Variants in CTBP2 observed in about 807,000 individuals in gnomAD.
CTBP2 encodes the protein C-terminal-binding protein 2.
In CTBP2, 30 loss-of-function variants were observed where a neutral mutation model predicts 80.3. That is an observed-to-expected ratio of 0.37 (90% CI 0.28 to 0.51). The LOEUF (loss-of-function observed/expected upper bound fraction) is 0.51. Among genes scored for constraint, CTBP2 ranks in the 20% least tolerant of loss-of-function variants. The pLI is 0.93. For missense variants in CTBP2, 1,212 were observed against 1,375.3 expected (o/e 0.88, Z 1.88); for synonymous variants, 594 against 587.4 (o/e 1.01, Z -0.16).
chr10:125,104,018 G>C (rs1221255165), intron 2 of CTBP2, among the ~76,000 whole-genome samples: 1 of 152,230 alleles, frequency 6.6e-6, no homozygotes, highest in African/African-American at 2.4e-5. Flanking sequence ...AACCGGAAGA[G>C]GGAAGGTGAC....
intron 1 of CTBP2, among the ~76,000 whole-genome samples, chr10:125,018,926 C>T (rs960537669): frequency 1.3e-5 from 2 of 152,248 alleles, no homozygotes; most frequent in African/African-American, 2.4e-5. Context: ...TGCAAACCCT[C>T]CTGGGATGAA....
intron 1 of CTBP2, among the ~76,000 whole-genome samples, chr10:125,136,990 A>G (rs540427371): frequency 6.6e-6 from 1 of 152,334 alleles, no homozygotes; most frequent in East Asian, 1.9e-4. Flanking sequence ...ACCAAACCTG[A>G]CCCACCCAAA....
chr10:125,154,679 C>A (rs1404342010), intron 1 of CTBP2, among the ~76,000 whole-genome samples: 1 of 152,158 alleles, frequency 6.6e-6, no homozygotes, highest in Non-Finnish European at 1.5e-5. Context: ...CTTCAGACAC[C>A]AACAATGGTT....
At chr10:125,067,055 A>G (rs572450838) in intron 2 of CTBP2, among the ~76,000 whole-genome samples, 1 of 152,166 alleles carries the variant, frequency 6.6e-6, no homozygotes, top group East Asian at 1.9e-4. Context: ...TCCACCTGCT[A>G]TGTGGGGCGA....
chr10:125,062,183 G>C lies in CTBP2; in HGVS notation c.-101-23028C>G, dbSNP rs1412025549. Among the ~76,000 whole-genome samples the C allele has an allele frequency of 2.6e-5, 4 of 152,324 alleles. No individual in the cohort carries two copies. The East Asian group carries it at 5.8e-4, about 22-fold the overall frequency. ...CTACAGGGGAAAACGGGGTGAGCAG[G>C]GGACGACTGAGTCCAGCCTCGGTTC... is the stretch of plus-strand genomic sequence containing the variant. On this transcript the variant is annotated intron_variant, in intron 2 of 10. Coordinates refer to the CTBP2 transcript ENST00000337195.
chr10:125,010,464 T>G (rs1955751498), intron 1 of CTBP2, among the ~76,000 whole-genome samples: 1 of 152,142 alleles, frequency 6.6e-6, no homozygotes, highest in African/African-American at 2.4e-5. Flanking sequence ...GAGTTTTAAG[T>G]ATCACCTGAC....
At chr10:125,087,626 C>G (rs1008771907) in intron 2 of CTBP2, among the ~76,000 whole-genome samples, 1 of 152,208 alleles carries the variant, frequency 6.6e-6, no homozygotes, top group Non-Finnish European at 1.5e-5. Context: ...CTCATTTTCT[C>G]GAGTCCTTCA....
At chr10:125,137,597 T>C (rs1161054093) in intron 1 of CTBP2, among the ~76,000 whole-genome samples, 1 of 152,248 alleles carries the variant, frequency 6.6e-6, no homozygotes, top group Non-Finnish European at 1.5e-5. Context: ...CTCTTATTTT[T>C]AATTTTACAT....
chr10:125,154,601 C>T (rs1860588642), intron 1 of CTBP2, among the ~76,000 whole-genome samples: 1 of 152,224 alleles, frequency 6.6e-6, no homozygotes, highest in African/African-American at 2.4e-5. Flanking sequence ...GAGGGAGGGA[C>T]TAGGCATATA....
intron 1 of CTBP2, among the ~76,000 whole-genome samples, chr10:125,016,278 T>A (rs1956476812): frequency 6.6e-6 from 1 of 151,304 alleles, no homozygotes; most frequent in South Asian, 2.1e-4. Flanking sequence ...CGAGTGCCAC[T>A]GCCAAGTTCC....
chr10:125,091,687 T>C (rs1239939955), intron 2 of CTBP2, among the ~76,000 whole-genome samples: 1 of 152,192 alleles, frequency 6.6e-6, no homozygotes, highest in Admixed American at 6.5e-5. Flanking sequence ...GCAGGACTGC[T>C]TGAGCCCGGA....
At chr10:125,022,275 C>T (rs1957122603) in intron 1 of CTBP2, among the ~76,000 whole-genome samples, 1 of 152,232 alleles carries the variant, frequency 6.6e-6, no homozygotes, top group Non-Finnish European at 1.5e-5. Context: ...AGGTGCTCCA[C>T]AGGCCCCATC....
chr10:125,036,670 T>TGTGTGTGTGGGG (rs1554879823), intron 3 of CTBP2, among the ~76,000 whole-genome samples: 2 of 2,408 alleles, frequency 8.3e-4, no homozygotes, highest in East Asian at 6.3e-3. Flanking sequence ...CTAGAGGGGG[T>TGTGTGTGTGGGG]GTGTGTGTGT....
At chr10:125,007,281 T>A (rs1955372245) in intron 1 of CTBP2, among the ~76,000 whole-genome samples, 1 of 152,258 alleles carries the variant, frequency 6.6e-6, no homozygotes, top group African/African-American at 2.4e-5. Context: ...GGCTTGCGTG[T>A]GCACCAGGAC....
chr10:125,015,565 G>A (rs776504386), intron 1 of CTBP2, among the ~76,000 whole-genome samples: 1 of 152,202 alleles, frequency 6.6e-6, no homozygotes, highest in East Asian at 1.9e-4. Context: ...AGGGCGTCCC[G>A]GAAGCCCATG....
chr10:125,161,877 C>T (rs750305762), upstream of CTBP2, among the ~76,000 whole-genome samples: 7 of 152,186 alleles, frequency 4.6e-5, no homozygotes, highest in Non-Finnish European at 1.0e-4. Flanking sequence ...GAGCCCACGC[C>T]GTCCTGACGT....
intron 1 of CTBP2, among the ~76,000 whole-genome samples, chr10:125,016,534 A>G (rs1264643156): frequency 6.6e-6 from 1 of 152,242 alleles, no homozygotes; most frequent in African/African-American, 2.4e-5. Context: ...CAAAAGCAAA[A>G]TAACACCCTC....
rs1179490385 is a variant in CTBP2, at chr10:125,027,010, T to C, written c.750A>G (p.Pro250=). ...GCCCGTAGCCACGATTCAGGGCCCC[T>C]GGGGCCACCCCTGTGCTGCCTTCGG... Residue 250 remains proline (P), a synonymous_variant, in exon 1 of 9, where the codon CCA becomes CCG. Transcript: ENST00000309035. 2 of 1,613,970 alleles carry C rather than the reference T, an allele frequency of 1.2e-6. No individual in the cohort carries two copies. Among genetic ancestry groups the C allele is most frequent in the Non-Finnish European group, 1.7e-6 (2 of 1,180,016 alleles).
chr10:125,043,333 C>T (rs962456182), intron 2 of CTBP2, among the ~76,000 whole-genome samples: 8 of 152,222 alleles, frequency 5.3e-5, no homozygotes, highest in East Asian at 1.9e-4. Context: ...ACCAGCTCCT[C>T]GCCACCATCA....
Sources: allele counts gnomAD v4.1 joint callset (sites outside exome capture counted in the v4.1 genomes callset), GRCh38; gene constraint gnomAD v4.1.1; transcripts MANE v1.5; gene names NCBI Gene and HGNC (gene_info 2026-07-23, HGNC 2026-07-21).